Variants in RAD54L2 observed in about 807,000 individuals in gnomAD.
RAD54L2 encodes the protein RAD54 like 2, also known as helicase ARIP4.
RAD54L2 carries 27 observed loss-of-function variants against 138.4 expected under a neutral mutation model. That is an observed-to-expected ratio of 0.20 (90% CI 0.14 to 0.27). RAD54L2 has a LOEUF of 0.27. RAD54L2 is among the 10% of genes least tolerant of loss of function. RAD54L2 has a pLI of 1.00. For synonymous variants in RAD54L2, 644 were observed against 723.2 expected (o/e 0.89, Z 1.76); for missense variants, 1,396 against 1,890.2 (o/e 0.74, Z 4.85).
Position 51,662,963 on chromosome 3 carries a change from A to G in RAD54L2, c.3947A>G (p.Asn1316Ser). Residue 1316 changes from asparagine (N) to serine (S), a missense_variant, in exon 23 of 23, where the codon AAC (asparagine) becomes AGC (serine). This residue lies in a region of RAD54L2 where 634 missense variants were observed against 711.2 expected (regional missense o/e 0.89). Coordinates refer to ENST00000684192, the MANE Select transcript of RAD54L2 (RefSeq NM_015106.4). This position sits in a 1 kb window ranked among gnomAD's most constrained non-coding sequence, Gnocchi z 4.6. ...TTPFTSQAGE[N>S]SLFMGSTPSY... The stretch of plus-strand genomic sequence containing the variant: ...CCCTTCACCTCCCAGGCTGGGGAGA[A>G]CTCCCTGTTTATGGGCAGTACCCCC... 1 of 1,613,520 alleles carries G rather than the reference A, an allele frequency of 6.2e-7. No homozygotes were observed. The highest frequency in any genetic ancestry group is 1.1e-5 in the South Asian group (1 of 91,046).
intron 1 of RAD54L2, chr3:51,541,135 T>A (rs1349809148): frequency 2.0e-5 from 3 of 152,166 alleles, no homozygotes; most frequent in African/African-American, 4.8e-5. Context: ...AGGCACTGCT[T>A]TGGGCACCTC....
chr3:51,585,054 T>C (rs893871462), intron 2 of RAD54L2, among the ~76,000 whole-genome samples: 25 of 152,074 alleles, frequency 1.6e-4, no homozygotes, highest in African/African-American at 5.8e-4. Flanking sequence ...CAAACGATTC[T>C]CCTGCCTCAG....
intron 19 of RAD54L2, among the ~76,000 whole-genome samples, chr3:51,649,748 C>T (rs1021335045): frequency 6.6e-6 from 1 of 152,178 alleles, no homozygotes; most frequent in Admixed American, 6.5e-5. Flanking sequence ...AGAGATTTGT[C>T]ACCACCAGGC....
intron 15 of RAD54L2, among the ~76,000 whole-genome samples, chr3:51,643,001 C>T (rs1701177744): frequency 6.6e-6 from 1 of 151,264 alleles, no homozygotes; most frequent in Non-Finnish European, 1.5e-5. Context: ...ACAAGTGTTG[C>T]CATTACTATT....
intron 2 of RAD54L2, among the ~76,000 whole-genome samples, chr3:51,556,810 A>G (rs771920574): frequency 5.3e-5 from 8 of 152,206 alleles, no homozygotes; most frequent in Non-Finnish European, 8.8e-5. Context: ...TCCTGACCAA[A>G]GGTGATCCGC....
intron 21 of RAD54L2, among the ~76,000 whole-genome samples, chr3:51,658,665 A>C (rs1394614629): frequency 6.6e-6 from 1 of 152,128 alleles, no homozygotes; most frequent in Admixed American, 6.5e-5. Context: ...ATTTTGCCCT[A>C]GCTTCTATTG....
chr3:51,664,528 T>C lies in RAD54L2; in HGVS notation c.*1108T>C, dbSNP rs1701873019. ...GGCAATTATTTATTACTTGGACTTT[T>C]CATGTGTCTTGTTTATTTGGGGGTG... On this transcript the variant is annotated 3_prime_UTR_variant, in exon 23 of 23. Coordinates refer to ENST00000684192, the MANE Select transcript of RAD54L2 (RefSeq NM_015106.4). The C allele has an allele frequency of 6.6e-6, 1 of 152,166 alleles. No individual in the cohort carries two copies. Among genetic ancestry groups the C allele is most frequent in the Admixed American group, 6.5e-5 (1 of 15,278 alleles). The allele number at this position is 152,166 out of a possible 1,614,324, so 9.4% of individuals were successfully genotyped here.
intron 3 of RAD54L2, among the ~76,000 whole-genome samples, chr3:51,614,740 T>C (rs1457417716): frequency 1.3e-5 from 2 of 152,168 alleles, no homozygotes; most frequent in Non-Finnish European, 2.9e-5. Context: ...CTTGAACTCC[T>C]GGGCTCAAGC....
chr3:51,631,039 C>A (rs1700827191), intron 7 of RAD54L2, 108 bp downstream of exon 7: 1 of 1,110,782 alleles, frequency 9.0e-7, no homozygotes, highest in Non-Finnish European at 1.3e-6. Flanking sequence ...TTGTTTGGTA[C>A]CAAGAGCAGC....
At position 51,638,572 on chromosome 3, in the gene RAD54L2, C is replaced by G. The variant is rs1701048682; in HGVS notation, c.1860+251C>G. The G allele has an allele frequency of 7.5e-6, 3 of 398,378 alleles. No homozygotes were observed. The highest frequency in any genetic ancestry group is 6.0e-5 in the African/African-American group (3 of 49,918). 24.7% of individuals were successfully genotyped at this position (398,378 alleles called of 1,614,324 possible). A position where few individuals can be genotyped will look rare whatever the true frequency, so the allele number is the denominator to read the frequency against. On this transcript the variant is annotated intron_variant, in intron 12 of 22. Transcript: ENST00000684192. This position sits in a 1 kb window ranked among gnomAD's most constrained non-coding sequence, Gnocchi z 4.3. The stretch of plus-strand genomic sequence containing the variant: ...TGCAGTGTGCAACTCAGCTGCACAA[C>G]TTGTTATTCCAAGGGGATTAATGGA...
intron 15 of RAD54L2, among the ~76,000 whole-genome samples, 166 bp downstream of exon 15, chr3:51,642,033 T>C (rs1219130756): frequency 6.6e-6 from 1 of 152,184 alleles, no homozygotes; most frequent in African/African-American, 2.4e-5. Flanking sequence ...TACAAGGTAC[T>C]GTACTAGGGG....
chr3:51,611,829 T>C (rs1293219393), intron 3 of RAD54L2, among the ~76,000 whole-genome samples: 3 of 152,072 alleles, frequency 2.0e-5, no homozygotes, highest in Non-Finnish European at 4.4e-5. Flanking sequence ...GTGCTGGGAT[T>C]ACAGGTGTGA....
rs1699899223 is a variant in RAD54L2, at chr3:51,594,030, CTT to C, written c.139+3473_139+3474del. The stretch of plus-strand genomic sequence containing the variant: ...ATCCCCCCATAAGCATTTTGACACA[CTT>C]TATCATACTTAATTGTCTTTCTTTT... On this transcript the variant is annotated intron_variant, in intron 3 of 22. Transcript: ENST00000684192. Among the ~76,000 whole-genome samples, 9 of 147,776 alleles carry C rather than the reference CTT, an allele frequency of 6.1e-5. No individual in the cohort carries two copies. The South Asian group carries it at 1.9e-3, about 32-fold the overall frequency.
chr3:51,660,620 TG>T (rs1559658996), intron 22 of RAD54L2, among the ~76,000 whole-genome samples: 1 of 138,040 alleles, frequency 7.2e-6, no homozygotes, highest in Non-Finnish European at 1.5e-5. Context: ...CTTTTTGTTT[TG>T]TTTTTTTTGT....
chr3:51,639,896 A>T lies in RAD54L2; in HGVS notation c.2128A>T (p.Thr710Ser). The T allele has an allele frequency of 6.2e-7, 1 of 1,607,112 alleles. No individual in the cohort carries two copies. Among genetic ancestry groups the T allele is most frequent in the Non-Finnish European group, 8.5e-7 (1 of 1,175,038 alleles). The change falls in exon 14 of 23, where the codon ACT becomes TCT. Residue 710 changes from threonine to serine, a missense_variant. Thr to Ser is a moderately conservative substitution (Grantham distance 58). This residue lies in a region of RAD54L2 where 211 missense variants were observed against 273.8 expected (regional missense o/e 0.77). Coordinates refer to ENST00000684192, the MANE Select transcript of RAD54L2 (RefSeq NM_015106.4). ...VTYEWAKDLL[T>S]NYQTGVLENS... ...TCTCTTGCAGGCCAAGGACCTTCTG[A>T]CTAATTACCAGACTGGAGTCCTAGA...
chr3:51,618,099 C>T (rs928102851), intron 3 of RAD54L2, among the ~76,000 whole-genome samples: 2 of 151,178 alleles, frequency 1.3e-5, no homozygotes, highest in African/African-American at 4.9e-5. Context: ...GCTGGGACTA[C>T]AGGCACGTGC....
rs765516603 is a variant in RAD54L2 at position 51,643,977 on chromosome 3, G to A, written c.2450+3G>A. 9 of 1,591,398 alleles carry A rather than the reference G, an allele frequency of 5.7e-6. No homozygotes were observed. The highest frequency in any genetic ancestry group is 6.0e-6 in the Non-Finnish European group (7 of 1,167,354). On this transcript the variant is annotated splice_donor_region_variant and intron_variant, in intron 16 of 22. Coordinates refer to ENST00000684192, the MANE Select transcript of RAD54L2 (RefSeq NM_015106.4). ...TGGCTGTTCCTTCTCTCTACAAGGT[G>A]AGTGGATCCCAAGAGGGGAGGTCAA...
intron 19 of RAD54L2, among the ~76,000 whole-genome samples, chr3:51,650,247 A>G (rs1701394756): frequency 6.6e-6 from 1 of 152,256 alleles, no homozygotes; most frequent in Admixed American, 6.5e-5. Context: ...TATGCTAAAT[A>G]TATATGCACC....
intron 2 of RAD54L2, among the ~76,000 whole-genome samples, chr3:51,581,569 A>G (rs1443028146): frequency 1.3e-5 from 2 of 152,186 alleles, no homozygotes; most frequent in Non-Finnish European, 2.9e-5. Flanking sequence ...ATGAAGGGCA[A>G]AACATCTCCT....
Sources: allele counts gnomAD v4.1 joint callset (sites outside exome capture counted in the v4.1 genomes callset), GRCh38; gene constraint gnomAD v4.1.1; regional missense constraint gnomAD v4.1.1; non-coding constraint Gnocchi (gnomAD v3.1); transcripts MANE v1.5; gene names NCBI Gene and HGNC (gene_info 2026-07-23, HGNC 2026-07-21).